TBC1D9B: variants seen among roughly 807,000 people sequenced by gnomAD.
The protein encoded by TBC1D9B is TBC1 domain family, member 9B (with GRAM domain).
TBC1D9B carries 87 observed loss-of-function variants against 121.1 expected under a neutral mutation model. That is an observed-to-expected ratio of 0.72 (90% CI 0.60 to 0.86). TBC1D9B has a LOEUF of 0.86. Ranked by LOEUF, TBC1D9B falls within the 40% of genes least tolerant of loss-of-function variation. The pLI, the probability that TBC1D9B is intolerant of heterozygous loss-of-function variation, is 0.00. For synonymous variants in TBC1D9B, 668 were observed against 670.1 expected, an observed-to-expected ratio of 1.00 and a Z score of 0.05; for missense variants, 1,540 against 1,628.6, an observed-to-expected ratio of 0.95 and a Z score of 0.94.
chr5:179,862,658 G>C lies in TBC1D9B; in HGVS notation c.*790C>G, dbSNP rs1759878792. On this transcript the variant is annotated 3_prime_UTR_variant, in exon 21 of 21. Coordinates refer to ENST00000355235, the MANE Select transcript of TBC1D9B (RefSeq NM_015043.4). ...GTCTTGAACTTCCAGAACACAGCCA[G>C]GGCCCCATACTTGGCCTGGGGAGAA... The C allele has an allele frequency of 2.2e-6, 1 of 448,428 alleles. No homozygotes were observed. 27.8% of individuals were successfully genotyped at this position (448,428 alleles called of 1,614,324 possible). A position where few individuals can be genotyped will look rare whatever the true frequency, so the allele number is the denominator to read the frequency against.
chr5:179,894,530 G>T lies in TBC1D9B; in HGVS notation c.433C>A (p.Arg145=). ...GKFKEAELKM[R]KQFGMPEGEK... is the part of the protein sequence containing the mutation. The stretch of plus-strand genomic sequence containing the variant: ...CCCTCAGGCATCCCAAACTGCTTCC[G>T]CATCTTCAGCTCAGCCTCCTTGAAC... Residue 145 remains arginine, a synonymous_variant, in exon 4 of 21, where the codon CGG becomes AGG. Coordinates refer to ENST00000355235, the MANE Select transcript of TBC1D9B (RefSeq NM_015043.4). The T allele has an allele frequency of 6.2e-7, 1 of 1,614,254 alleles. No homozygotes were observed. The highest frequency in any genetic ancestry group is 2.2e-5 in the East Asian group (1 of 44,888).
At chr5:179,892,845 C>T (rs1026130159) in intron 5 of TBC1D9B, among the ~76,000 whole-genome samples, 2 of 152,222 alleles carry the variant, frequency 1.3e-5, no homozygotes, top group African/African-American at 2.4e-5. Context: ...TGGCTACATC[C>T]TGGCTCCACT....
rs1380635461 is a variant in TBC1D9B, at chr5:179,907,374, C to G, written c.118+330G>C. On this transcript the variant is annotated intron_variant, in intron 1 of 20. Coordinates refer to ENST00000355235, the MANE Select transcript of TBC1D9B (RefSeq NM_015043.4). The surrounding 1 kb of genome is among the most constrained non-coding windows in gnomAD (Gnocchi z 5.3). ...CTCGCCAACTTTCGGCGGTGAGATC[C>G]CGGGAAGCTGCACGGCCCCCGGGGC... Among the ~76,000 whole-genome samples the G allele has an allele frequency of 1.3e-5, 2 of 152,036 alleles. No individual in the cohort carries two copies. Among genetic ancestry groups the G allele is most frequent in the Non-Finnish European group, 2.9e-5 (2 of 67,944 alleles).
chr5:179,906,808 G>A (rs1430683561), intron 1 of TBC1D9B, among the ~76,000 whole-genome samples: 1 of 152,268 alleles, frequency 6.6e-6, no homozygotes, highest in Non-Finnish European at 1.5e-5. Flanking sequence ...ATGATTCACA[G>A]AAAATGCTCT....
At chr5:179,866,055 C>T (rs980245472) in intron 18 of TBC1D9B, 167 bp from the exon 19 acceptor site, 9 of 705,864 alleles carry the variant, frequency 1.3e-5, no homozygotes, top group South Asian at 5.3e-5. Context: ...CGCCCAGCCC[C>T]GCCCTATGGC....
In TBC1D9B at chr5:179,875,252, C is replaced by T; in HGVS notation, c.1901-65G>A. The T allele has an allele frequency of 6.4e-7, 1 of 1,561,912 alleles. No individual in the cohort carries two copies. On this transcript the variant is annotated intron_variant, in intron 11 of 20. Coordinates refer to ENST00000355235, the MANE Select transcript of TBC1D9B (RefSeq NM_015043.4). The surrounding 1 kb of genome is among the most constrained non-coding windows in gnomAD (Gnocchi z 4.5). ...TGTGGCCTGGGTGGGCCCTCACCTG[C>T]AGCGTACGAGCCCTGGCCACTCCAG... is the stretch of plus-strand genomic sequence containing the variant.
rs200360783 is a variant in TBC1D9B, at chr5:179,870,399, C to G, written c.2581G>C (p.Ala861Pro). ...GCAAAGAGTTCCCGGAACTGGCTGG[C>G]ATCAATCCGGTACTGCTCCAGGTAG... ...LPYLEQYRID[A>P]SQFRELFASL... The change falls in exon 16 of 21, where the codon GCC (alanine) becomes CCC (proline). Residue 861 changes from alanine to proline, a missense_variant. Coordinates refer to ENST00000355235, the MANE Select transcript of TBC1D9B (RefSeq NM_015043.4). The G allele has an allele frequency of 1.5e-5, 24 of 1,613,740 alleles. No individual in the cohort carries two copies. The African/African-American group carries it at 3.1e-4, about 21-fold the overall frequency.
At chr5:179,894,737 T>G (rs1760974390) in intron 3 of TBC1D9B, 123 bp from the exon 4 acceptor site, 1 of 890,566 alleles carries the variant, frequency 1.1e-6, no homozygotes, top group Non-Finnish European at 1.7e-6. Flanking sequence ...CAGGCACAGC[T>G]GGGAACAGTC....
At chr5:179,900,727 G>C (rs536534572) in intron 2 of TBC1D9B, among the ~76,000 whole-genome samples, 10 of 152,330 alleles carry the variant, frequency 6.6e-5, no homozygotes, top group Admixed American at 6.5e-4. Context: ...ACGGCCAGCA[G>C]CACTATCACT....
In TBC1D9B at chr5:179,907,626, C is replaced by A. The variant is rs1260587929; in HGVS notation, c.118+78G>T. The A allele has an allele frequency of 1.1e-5, 9 of 791,856 alleles. No individual in the cohort carries two copies. Among genetic ancestry groups the A allele is most frequent in the Non-Finnish European group, 1.4e-5 (9 of 655,882 alleles). 49.1% of individuals were successfully genotyped at this position (791,856 alleles called of 1,614,324 possible). A position where few individuals can be genotyped will look rare whatever the true frequency, so the allele number is the denominator to read the frequency against. On this transcript the variant is annotated intron_variant, in intron 1 of 20. Transcript: ENST00000355235. This position sits in a 1 kb window ranked among gnomAD's most constrained non-coding sequence, Gnocchi z 5.3. The stretch of plus-strand genomic sequence containing the variant: ...CGCCGAGGCCGGGCCGGAACCGGAC[C>A]CGCCCGCCGCCCGCCGCCAGCCCCG...
intron 10 of TBC1D9B, 127 bp downstream of exon 10, chr5:179,878,181 CT>C: frequency 1.0e-6 from 1 of 959,084 alleles, no homozygotes; most frequent in Non-Finnish European, 1.5e-6. Flanking sequence ...TAAATTACAT[CT>C]TTTTCTGCTG....
At chr5:179,900,302 C>T (rs1761131464) in intron 2 of TBC1D9B, among the ~76,000 whole-genome samples, 1 of 152,164 alleles carries the variant, frequency 6.6e-6, no homozygotes, top group Non-Finnish European at 1.5e-5. Context: ...GGGAAGAAGC[C>T]CCGGGGGAAG....
rs1277078572 is a variant in TBC1D9B, at chr5:179,902,816, C to T, written c.229+1886G>A. 1.3e-5 allele frequency among the ~76,000 whole-genome samples: 2 copies of T among 152,152 alleles called. No homozygotes were observed. The highest frequency in any genetic ancestry group is 2.4e-5 in the African/African-American group (1 of 41,434). On this transcript the variant is annotated intron_variant, in intron 2 of 20. Transcript: ENST00000355235. The surrounding 1 kb of genome is among the most constrained non-coding windows in gnomAD (Gnocchi z 4.9). ...CCCCTCCTCTGGCAAACTCTTGCTG[C>T]CCCCAGGGTCCACTCAGGCTCTGAA...
In TBC1D9B at chr5:179,875,513, T is replaced by C. The variant is rs1760334134; in HGVS notation, c.1901-326A>G. On this transcript the variant is annotated intron_variant, in intron 11 of 20. Transcript: ENST00000355235. The surrounding 1 kb of genome is among the most constrained non-coding windows in gnomAD (Gnocchi z 4.5). ...TGATGATTGTGAATAGACGCAGCTC[T>C]GAAGGACCCCAAGAGCGGTAACTCC... is the stretch of plus-strand genomic sequence containing the variant. Among the ~76,000 whole-genome samples the C allele has an allele frequency of 6.6e-6, 1 of 152,200 alleles. No individual in the cohort carries two copies. The highest frequency in any genetic ancestry group is 1.5e-5 in the Non-Finnish European group (1 of 68,044).
Position 179,890,363 on chromosome 5 carries a change from G to A in TBC1D9B, c.1044+1016C>T, listed in dbSNP as rs912181403. 1.1e-4 allele frequency among the ~76,000 whole-genome samples: 16 copies of A among 152,216 alleles called. No homozygotes were observed. The highest frequency in any genetic ancestry group is 3.4e-4 in the African/African-American group (14 of 41,454). ...CTGAGATGTCAAGGGCCCGGCAGGA[G>A]AAATCCAAACGGAGCCTCAGGTGTC... On this transcript the variant is annotated intron_variant, in intron 6 of 20. Coordinates refer to ENST00000355235, the MANE Select transcript of TBC1D9B (RefSeq NM_015043.4). This position sits in a 1 kb window ranked among gnomAD's most constrained non-coding sequence, Gnocchi z 5.0.
At position 179,862,386 on chromosome 5, in the gene TBC1D9B, C is replaced by T. The variant is rs143011122; in HGVS notation, c.*1062G>A. 7.9e-4 allele frequency: 278 copies of T among 352,110 alleles called. 1 individual carries two copies. The East Asian group carries it at 0.019, about 25-fold the overall frequency. 21.8% of individuals were successfully genotyped at this position (352,110 alleles called of 1,614,324 possible). A position where few individuals can be genotyped will look rare whatever the true frequency, so the allele number is the denominator to read the frequency against. On this transcript the variant is annotated 3_prime_UTR_variant, in exon 21 of 21. Coordinates refer to ENST00000355235, the MANE Select transcript of TBC1D9B (RefSeq NM_015043.4). ...TCCTTGTGGCTCCAGCCCTGGGGCC[C>T]CCTGCGGTCACCTTTGGCTCCACAG...
rs1761358195 is a variant in TBC1D9B, at chr5:179,907,531, C to G, written c.118+173G>C. 6.7e-6 allele frequency among the ~76,000 whole-genome samples: 1 copy of G among 149,684 alleles called. No individual in the cohort carries two copies. Among genetic ancestry groups the G allele is most frequent in the South Asian group, 2.1e-4 (1 of 4,814 alleles). ...TCGCCTCCCCGCCCCGGCCCCTCCG[C>G]GCCCGGCTCCCGGGTCCTGGCCTCG... On this transcript the variant is annotated intron_variant, in intron 1 of 20. Coordinates refer to ENST00000355235, the MANE Select transcript of TBC1D9B (RefSeq NM_015043.4). This position sits in a 1 kb window ranked among gnomAD's most constrained non-coding sequence, Gnocchi z 5.3.
chr5:179,863,334 G>A lies in TBC1D9B; in HGVS notation c.*114C>T. ...TTTCCACTCACAACTCACTGCTCCT[G>A]GGAGAGCAGGAGGGGCACACCTTTA... On this transcript the variant is annotated 3_prime_UTR_variant, in exon 21 of 21. Coordinates refer to ENST00000355235, the MANE Select transcript of TBC1D9B (RefSeq NM_015043.4). This position sits in a 1 kb window ranked among gnomAD's most constrained non-coding sequence, Gnocchi z 4.5. 2 of 1,234,244 alleles carry A rather than the reference G, an allele frequency of 1.6e-6. No individual in the cohort carries two copies. Among genetic ancestry groups the A allele is most frequent in the Non-Finnish European group, 1.1e-6 (1 of 891,774 alleles). 76.5% of individuals were successfully genotyped at this position (1,234,244 alleles called of 1,614,324 possible). A position where few individuals can be genotyped will look rare whatever the true frequency, so the allele number is the denominator to read the frequency against.
chr5:179,882,363 TA>T (rs1445074423), intron 7 of TBC1D9B, among the ~76,000 whole-genome samples: 1 of 152,164 alleles, frequency 6.6e-6, no homozygotes, highest in Non-Finnish European at 1.5e-5. Flanking sequence ...CAGCTAAATA[TA>T]ATCAATGCTA....
Sources: gnomAD v4.1 joint callset for allele counts (sites outside exome capture counted in the v4.1 genomes callset) on GRCh38, gnomAD v4.1.1 for gene constraint, Gnocchi (gnomAD v3.1) non-coding constraint, MANE v1.5 for transcripts, NCBI Gene and HGNC (gene_info 2026-07-23, HGNC 2026-07-21) for gene names.